The following LRRFIP2 variants were observed in gnomAD, a reference collection of about 807,000 sequenced individuals.
LRRFIP2 encodes leucine-rich repeat flightless-interacting protein 2.
A neutral mutation model predicts 125.9 loss-of-function variants in LRRFIP2; 109 were observed. The observed-to-expected ratio is 0.87, with a 90% CI of 0.74 to 1.01. The LOEUF (loss-of-function observed/expected upper bound fraction) is 1.01, where lower values mean the gene tolerates loss of function less well. Ranked by LOEUF, LRRFIP2 falls within the 50% of genes least tolerant of loss-of-function variation. LRRFIP2 has a pLI of 0.00. For synonymous variants in LRRFIP2, 291 were observed against 293.1 expected (o/e 0.99, Z 0.07); for missense variants, 850 against 862.3 (o/e 0.99, Z 0.18).
At chr3:37,129,986 C>T (rs2095386238) in intron 2 of LRRFIP2, among the ~76,000 whole-genome samples, 1 of 152,136 alleles carries the variant, frequency 6.6e-6, no homozygotes, top group Non-Finnish European at 1.5e-5. Context: ...GAGTGAGACG[C>T]TGTCTCAAAA....
chr3:37,132,311 T>C (rs112402598), intron 2 of LRRFIP2, among the ~76,000 whole-genome samples: 4 of 152,342 alleles, frequency 2.6e-5, no homozygotes, highest in African/African-American at 9.6e-5. Context: ...CTTTAGAAAT[T>C]TAATTCAAGA....
intron 13 of LRRFIP2, among the ~76,000 whole-genome samples, chr3:37,106,050 G>A (rs1410218626): frequency 6.6e-6 from 1 of 152,170 alleles, no homozygotes; most frequent in Non-Finnish European, 1.5e-5. Flanking sequence ...GGGTGGCAGA[G>A]CAAGACACCA....
intron 8 of LRRFIP2, among the ~76,000 whole-genome samples, chr3:37,111,619 T>C (rs558316164): frequency 2.0e-5 from 3 of 152,314 alleles, no homozygotes; most frequent in Admixed American, 6.5e-5. Context: ...AAACCATCTA[T>C]AAAATTCCCT....
At chr3:37,140,530 C>T (rs547531683) in intron 2 of LRRFIP2, 4 of 151,822 alleles carry the variant, frequency 2.6e-5, no homozygotes, top group African/African-American at 7.3e-5. Flanking sequence ...CTCAGGAGTT[C>T]AAGGCCAGCC....
intron 18 of LRRFIP2, among the ~76,000 whole-genome samples, chr3:37,090,341 G>A (rs1306397917): frequency 6.6e-6 from 1 of 152,066 alleles, no homozygotes; most frequent in Non-Finnish European, 1.5e-5. Context: ...CAATTCTCCT[G>A]CCTCAGCCTC....
chr3:37,141,170 A>G lies in LRRFIP2; in HGVS notation c.90+7724T>C, dbSNP rs111971507. Among the ~76,000 whole-genome samples, 10 of 152,296 alleles carry G rather than the reference A, an allele frequency of 6.6e-5. No homozygotes were observed. The East Asian group carries it at 1.2e-3, about 18-fold the overall frequency. Reference sequence around the variant, plus strand: ...TGTTTCAAAAAATAAATGGAAAACTATAACAGCTTCCTGTTTTCTGCCTTC... The same window carrying G: ...TGTTTCAAAAAATAAATGGAAAACTGTAACAGCTTCCTGTTTTCTGCCTTC... On this transcript the variant is annotated intron_variant, in intron 2 of 27. Coordinates refer to ENST00000336686, the MANE Select transcript of LRRFIP2 (RefSeq NM_006309.4).
chr3:37,114,935 C>A, intron 7 of LRRFIP2, 119 bp downstream of exon 7: 1 of 751,354 alleles, frequency 1.3e-6, no homozygotes, highest in South Asian at 1.8e-5. Flanking sequence ...TTGTTAGTCA[C>A]ACATTTTCCC....
intron 2 of LRRFIP2, among the ~76,000 whole-genome samples, chr3:37,134,118 G>A (rs1427557319): frequency 1.3e-5 from 2 of 150,924 alleles, no homozygotes; most frequent in East Asian, 1.9e-4. Context: ...GGAGACGAAG[G>A]TTGCAGTGAG....
intron 2 of LRRFIP2, among the ~76,000 whole-genome samples, chr3:37,136,174 A>C (rs2095550815): frequency 6.6e-6 from 1 of 152,252 alleles, no homozygotes; most frequent in Non-Finnish European, 1.5e-5. Context: ...TAAGTCAAAG[A>C]AGCCAGACAC....
chr3:37,111,112 T>C (rs756394729), intron 8 of LRRFIP2, 47 bp from the exon 9 acceptor site: 2 of 1,511,194 alleles, frequency 1.3e-6, no homozygotes, highest in Non-Finnish European at 1.8e-6. Flanking sequence ...TAAATGTTAA[T>C]AACCTAACAA....
At chr3:37,061,488 C>T (rs963337995) in intron 24 of LRRFIP2, among the ~76,000 whole-genome samples, 3 of 151,668 alleles carry the variant, frequency 2.0e-5, no homozygotes, top group Admixed American at 1.3e-4. Context: ...TCACTGCAGC[C>T]TCCACCTCCC....
intron 6 of LRRFIP2, 29 bp downstream of exon 6, chr3:37,121,463 G>T: frequency 6.2e-7 from 1 of 1,604,412 alleles, no homozygotes; most frequent in Non-Finnish European, 8.5e-7. Context: ...CGTAAGCTTT[G>T]TATTGTGTAG....
chr3:37,117,970 A>G (rs1232297981), intron 6 of LRRFIP2, among the ~76,000 whole-genome samples: 2 of 152,242 alleles, frequency 1.3e-5, no homozygotes, highest in Non-Finnish European at 2.9e-5. Context: ...TATTTTAAAA[A>G]TTAAATTCAT....
At position 37,097,330 on chromosome 3, in the gene LRRFIP2, T is replaced by C. The variant is rs1006558420; in HGVS notation, c.874-670A>G. Reference sequence around the variant, plus strand: ...TAAAAAAATTCTAGTAAGTGTCCCATATATGTTCTACATCTTCTTTTTCCC... The same window carrying C: ...TAAAAAAATTCTAGTAAGTGTCCCACATATGTTCTACATCTTCTTTTTCCC... On this transcript the variant is annotated intron_variant, in intron 15 of 27. Transcript: ENST00000336686. 7.2e-5 allele frequency among the ~76,000 whole-genome samples: 11 copies of C among 152,276 alleles called. No individual in the cohort carries two copies. In the East Asian group the frequency reaches 1.9e-3, roughly 27 times the overall value.
chr3:37,174,007 AG>A (rs1300886675), intron 1 of LRRFIP2: 4 of 152,250 alleles, frequency 2.6e-5, no homozygotes, highest in Non-Finnish European at 5.9e-5. Context: ...CTGTGTTCAC[AG>A]GGAACTGAAA....
In LRRFIP2 at chr3:37,108,494, TTAGAGA is replaced by T; in HGVS notation, c.657+137_657+142del. 4 of 653,940 alleles carry T rather than the reference TTAGAGA, an allele frequency of 6.1e-6. No homozygotes were observed. In the South Asian group the frequency reaches 8.7e-5, roughly 14 times the overall value. 40.5% of individuals were successfully genotyped at this position (653,940 alleles called of 1,614,324 possible). On this transcript the variant is annotated intron_variant, in intron 12 of 27. Transcript: ENST00000336686. ...GCTAGCTCAATGACTTGATCACAGC[TTAGAGA>T]GTAATTCCAGGTCAGATTAAATGAC...
intron 2 of LRRFIP2, among the ~76,000 whole-genome samples, chr3:37,143,343 G>A (rs1007049663): frequency 3.3e-5 from 5 of 152,158 alleles, no homozygotes; most frequent in Admixed American, 1.3e-4. Flanking sequence ...GATGGTCTTC[G>A]TCAGGACAAC....
At chr3:37,084,026 A>C (rs1025633030) in intron 18 of LRRFIP2, among the ~76,000 whole-genome samples, 3 of 152,168 alleles carry the variant, frequency 2.0e-5, no homozygotes, top group African/African-American at 7.2e-5. Flanking sequence ...TCTGTTCCCC[A>C]AGAAAACAAA....
intron 1 of LRRFIP2, among the ~76,000 whole-genome samples, chr3:37,159,194 T>C (rs1192403523): frequency 3.3e-5 from 5 of 152,190 alleles, no homozygotes; most frequent in Non-Finnish European, 7.4e-5. Flanking sequence ...ACTTCACACT[T>C]TTGCACATGG....
Sources: allele counts gnomAD v4.1 joint callset (sites outside exome capture counted in the v4.1 genomes callset), GRCh38; gene constraint gnomAD v4.1.1; transcripts MANE v1.5; gene names NCBI Gene and HGNC (gene_info 2026-07-23, HGNC 2026-07-21).